Variants in MTPN observed in about 807,000 individuals in gnomAD.
MTPN encodes the protein myotrophin.
In MTPN, 2 loss-of-function variants were observed where a neutral mutation model predicts 13.5. That is an observed-to-expected ratio of 0.15 (90% CI 0.06 to 0.47). The LOEUF is 0.47. Among genes scored for constraint, MTPN ranks in the 20% least tolerant of loss-of-function variants. MTPN has a pLI of 0.97. For synonymous variants in MTPN, 46 were observed against 51.7 expected, an observed-to-expected ratio of 0.89 and a Z score of 0.48; for missense variants, 79 against 137.9, an observed-to-expected ratio of 0.57 and a Z score of 2.14.
chr7:135,967,514 T>C lies in MTPN; in HGVS notation c.72+9515A>G, dbSNP rs553696939. On this transcript the variant is annotated intron_variant, in intron 1 of 3. Coordinates refer to ENST00000393085, the MANE Select transcript of MTPN (RefSeq NM_145808.4). The stretch of plus-strand genomic sequence containing the variant: ...CTCATCCAAGTTCAGGAAAACTGAA[T>C]TTAAATTTCAATCTCAAATAGCACT... Among the ~76,000 whole-genome samples, 162 of 152,254 alleles carry C rather than the reference T, an allele frequency of 1.1e-3. 2 individuals are homozygous for C. The highest frequency in any genetic ancestry group is 3.5e-3 in the African/African-American group (144 of 41,554).
rs1376549278 is a variant in MTPN, at chr7:135,928,296, ACACACACACC to A, written c.*1620_*1629del. ...AAAAAGGACTCATGGGGAAAAATAC[ACACACACACC>A]CACACACACCTATACACCCACACAC... On this transcript the variant is annotated 3_prime_UTR_variant, in exon 4 of 4. Transcript: ENST00000393085. 3.8e-3 allele frequency: 630 copies of A among 167,288 alleles called. 8 individuals are homozygous for A. The highest frequency in any genetic ancestry group is 0.014 in the African/African-American group (574 of 41,522). The allele number at this position is 167,288 out of a possible 1,614,324, so 10.4% of individuals were successfully genotyped here. A position where few individuals can be genotyped will look rare whatever the true frequency, so the allele number is the denominator to read the frequency against.
chr7:135,971,081 T>A (rs1179154858), intron 1 of MTPN, among the ~76,000 whole-genome samples: 2 of 152,092 alleles, frequency 1.3e-5, no homozygotes, highest in Non-Finnish European at 2.9e-5. Context: ...AAGATTAGAG[T>A]TGATATCTTT....
intron 3 of MTPN, among the ~76,000 whole-genome samples, chr7:135,936,496 A>C (rs1334281886): frequency 1.3e-5 from 2 of 152,250 alleles, no homozygotes; most frequent in Non-Finnish European, 2.9e-5. Context: ...AACAAACAAA[A>C]AAAACGGATA....
chr7:135,968,406 C>A (rs951237060), intron 1 of MTPN, among the ~76,000 whole-genome samples: 1 of 151,912 alleles, frequency 6.6e-6, no homozygotes, highest in Non-Finnish European at 1.5e-5. Context: ...GTAATCACAG[C>A]TCCTCTTTAC....
chr7:135,944,669 A>G (rs1799263272), intron 3 of MTPN, among the ~76,000 whole-genome samples: 1 of 152,130 alleles, frequency 6.6e-6, no homozygotes, highest in Non-Finnish European at 1.5e-5. Flanking sequence ...AAATAAAATA[A>G]AATGAAAATA....
chr7:135,940,626 A>G (rs1476989385), intron 3 of MTPN, among the ~76,000 whole-genome samples: 1 of 152,214 alleles, frequency 6.6e-6, no homozygotes, highest in Non-Finnish European at 1.5e-5. Flanking sequence ...AGGTCAGTCA[A>G]CAAATACGAA....
chr7:135,973,789 C>T (rs1427514093), intron 1 of MTPN, among the ~76,000 whole-genome samples: 8 of 151,754 alleles, frequency 5.3e-5, no homozygotes, highest in African/African-American at 1.2e-4. Flanking sequence ...TTTTTTTTCA[C>T]GCAGGTCTGC....
chr7:135,976,927 T>TTCC, intron 1 of MTPN, 102 bp downstream of exon 1: 36 of 410,730 alleles, frequency 8.8e-5, no homozygotes, highest in South Asian at 3.2e-4. Flanking sequence ...AAGTCTCTCC[T>TTCC]CCCGCCCACC....
Position 135,927,387 on chromosome 7 carries a change from T to A in MTPN, c.*2539A>T. 1 of 1,549,606 alleles carries A rather than the reference T, an allele frequency of 6.5e-7. No homozygotes were observed. The highest frequency in any genetic ancestry group is 1.2e-5 in the South Asian group (1 of 83,932). ...TGCAAGGGAGACTTTGTTAGTACACTACTATAAACAGGTAAACTACCTGTT... is the reference window on the plus strand; with the variant it reads ...TGCAAGGGAGACTTTGTTAGTACACAACTATAAACAGGTAAACTACCTGTT... On this transcript the variant is annotated 3_prime_UTR_variant, in exon 4 of 4. Coordinates refer to ENST00000393085, the MANE Select transcript of MTPN (RefSeq NM_145808.4).
At chr7:135,974,419 T>C (rs746216474) in intron 1 of MTPN, among the ~76,000 whole-genome samples, 1 of 152,038 alleles carries the variant, frequency 6.6e-6, no homozygotes, top group Non-Finnish European at 1.5e-5. Flanking sequence ...TGTACATCTA[T>C]GGTCCCAGCT....
At chr7:135,952,632 T>C (rs926628419) in intron 1 of MTPN, among the ~76,000 whole-genome samples, 2 of 152,150 alleles carry the variant, frequency 1.3e-5, no homozygotes, top group Non-Finnish European at 2.9e-5. Context: ...CCTTCCCTCT[T>C]AGGAGAGTTC....
chr7:135,948,543 A>T (rs1345496602), intron 3 of MTPN, among the ~76,000 whole-genome samples: 1 of 152,164 alleles, frequency 6.6e-6, no homozygotes, highest in Non-Finnish European at 1.5e-5. Context: ...ACCTTCTGGG[A>T]TGACATCTTA....
chr7:135,941,232 GAAT>G (rs1453931511), intron 3 of MTPN, among the ~76,000 whole-genome samples: 9 of 152,174 alleles, frequency 5.9e-5, no homozygotes, highest in Non-Finnish European at 1.2e-4. Flanking sequence ...TTGATTCTCA[GAAT>G]AATCCTGGGG....
At chr7:135,965,693 T>G (rs543733905) in intron 1 of MTPN, among the ~76,000 whole-genome samples, 1 of 152,270 alleles carries the variant, frequency 6.6e-6, no homozygotes, top group African/African-American at 2.4e-5. Flanking sequence ...GCTGTTATAC[T>G]AATACAACTG....
At chr7:135,961,141 A>C (rs912147981) in intron 1 of MTPN, among the ~76,000 whole-genome samples, 1 of 152,094 alleles carries the variant, frequency 6.6e-6, no homozygotes, top group Non-Finnish European at 1.5e-5. Flanking sequence ...AGAATACCGA[A>C]GTAATAAACT....
chr7:135,932,440 A>T (rs1799037820), intron 3 of MTPN: 1 of 152,022 alleles, frequency 6.6e-6, no homozygotes, highest in Non-Finnish European at 1.5e-5. Flanking sequence ...TGCTATTTGC[A>T]ACCAGAAGTA....
At chr7:135,932,533 A>T (rs1385857573) in intron 3 of MTPN, 1 of 152,100 alleles carries the variant, frequency 6.6e-6, no homozygotes, top group African/African-American at 2.4e-5. Flanking sequence ...TCGTAATTCT[A>T]TACATTAGAT....
At chr7:135,969,092 G>GGGT (rs1799651029) in intron 1 of MTPN, among the ~76,000 whole-genome samples, 1 of 109,560 alleles carries the variant, frequency 9.1e-6, no homozygotes, top group African/African-American at 3.4e-5. Flanking sequence ...GTGGGGTGGG[G>GGGT]GGGGGGGAGG....
chr7:135,935,719 T>G (rs145828254), intron 3 of MTPN, among the ~76,000 whole-genome samples: 1 of 152,218 alleles, frequency 6.6e-6, no homozygotes, highest in African/African-American at 2.4e-5. Flanking sequence ...TCTCTAGTCA[T>G]AGGCCTTGCT....
Sources: gnomAD v4.1 joint callset for allele counts (sites outside exome capture counted in the v4.1 genomes callset) on GRCh38, gnomAD v4.1.1 for gene constraint, MANE v1.5 for transcripts, NCBI Gene and HGNC (gene_info 2026-07-23, HGNC 2026-07-21) for gene names.